The following RIMS2 variants were observed in gnomAD, a reference collection of about 807,000 sequenced individuals.
RIMS2 encodes the protein regulating synaptic membrane exocytosis 2.
RIMS2 carries 59 observed loss-of-function variants against 174.4 expected under a neutral mutation model. The ratio of observed to expected loss-of-function variants is 0.34; its 90% CI spans 0.27 to 0.42. The LOEUF (loss-of-function observed/expected upper bound fraction) is 0.42. Among genes scored for constraint, RIMS2 ranks in the 10% least tolerant of loss-of-function variants. RIMS2 has a pLI of 1.00. For missense variants in RIMS2, 1,620 were observed against 1,666.3 expected (o/e 0.97, Z 0.48); for synonymous variants, 606 against 572.5 (o/e 1.06, Z -0.84).
chr8:103,734,754 C>T (rs1167733134), intron 2 of RIMS2, among the ~76,000 whole-genome samples: 1 of 152,120 alleles, frequency 6.6e-6, no homozygotes, highest in Non-Finnish European at 1.5e-5. Context: ...CTAGCTACAT[C>T]TGCAAGCTTT....
intron 19 of RIMS2, among the ~76,000 whole-genome samples, chr8:104,167,722 T>C (rs1459292090): frequency 6.6e-6 from 1 of 152,208 alleles, no homozygotes; most frequent in Non-Finnish European, 1.5e-5. Context: ...CATTTGCTTT[T>C]GGAGTTTTAG....
chr8:104,140,096 A>G (rs1169479831), intron 19 of RIMS2, among the ~76,000 whole-genome samples: 1 of 152,188 alleles, frequency 6.6e-6, no homozygotes, highest in East Asian at 1.9e-4. Context: ...CCATCTTCGC[A>G]TCGCTAGGAT....
chr8:103,998,302 A>G (rs1156569559), intron 17 of RIMS2: 1 of 1,196,864 alleles, frequency 8.4e-7, no homozygotes, highest in South Asian at 1.3e-5. Context: ...GTGCCTGTGT[A>G]TTGATATGAT....
chr8:103,618,112 A>T (rs944847742), intron 1 of RIMS2, among the ~76,000 whole-genome samples: 1 of 152,182 alleles, frequency 6.6e-6, no homozygotes, highest in Non-Finnish European at 1.5e-5. Context: ...GACAGACTAG[A>T]TAAAGAAAAT....
chr8:103,927,817 T>A, intron 10 of RIMS2: 1 of 1,578,096 alleles, frequency 6.3e-7, no homozygotes, highest in Non-Finnish European at 8.7e-7. Flanking sequence ...GTTTTATTGC[T>A]TTTTTCTTTA....
chr8:103,923,682 T>C (rs2078164674), intron 10 of RIMS2, among the ~76,000 whole-genome samples: 1 of 151,788 alleles, frequency 6.6e-6, no homozygotes, highest in Non-Finnish European at 1.5e-5. Flanking sequence ...CACTATGATA[T>C]TAGTAGTAAA....
At chr8:103,696,590 G>A (rs2097103394) in intron 1 of RIMS2, among the ~76,000 whole-genome samples, 1 of 151,944 alleles carries the variant, frequency 6.6e-6, no homozygotes, top group African/African-American at 2.4e-5. Context: ...GTAGAGACTG[G>A]GTATGGTGGC....
At chr8:103,668,723 T>G in intron 1 of RIMS2, among the ~76,000 whole-genome samples, 1 of 151,732 alleles carries the variant, frequency 6.6e-6, no homozygotes, top group South Asian at 2.1e-4. Flanking sequence ...CTCTGTCACC[T>G]AGGCTGGAGT....
chr8:104,157,646 T>G (rs145285526), intron 19 of RIMS2, among the ~76,000 whole-genome samples: 47 of 152,354 alleles, frequency 3.1e-4, no homozygotes, highest in African/African-American at 1.1e-3. Flanking sequence ...AGAATTTGCT[T>G]CTTTTTTAAG....
intron 19 of RIMS2, among the ~76,000 whole-genome samples, chr8:104,213,877 G>GAAA (rs748783814): frequency 2.2e-5 from 3 of 134,240 alleles, no homozygotes; most frequent in South Asian, 2.5e-4. Context: ...CTCTGCCTCG[G>GAAA]AAAAAAAAAA....
At chr8:103,572,491 G>C (rs895121065) in intron 1 of RIMS2, among the ~76,000 whole-genome samples, 1 of 151,996 alleles carries the variant, frequency 6.6e-6, no homozygotes, top group African/African-American at 2.4e-5. Flanking sequence ...TTTCTACAGG[G>C]GCTGAACTAA....
intron 19 of RIMS2, among the ~76,000 whole-genome samples, chr8:104,109,526 G>A (rs765136978): frequency 2.7e-4 from 41 of 151,580 alleles, no homozygotes; most frequent in Non-Finnish European, 4.7e-4. Context: ...AGAACTCAAC[G>A]CAGTAATGCC....
chr8:103,909,637 A>G (rs757712479), intron 4 of RIMS2, among the ~76,000 whole-genome samples: 2 of 152,120 alleles, frequency 1.3e-5, no homozygotes, highest in East Asian at 3.8e-4. Context: ...GAAGAATATC[A>G]TACTGCATTT....
At chr8:103,507,344 TC>T (rs1824177878) in intron 1 of RIMS2, among the ~76,000 whole-genome samples, 1 of 152,132 alleles carries the variant, frequency 6.6e-6, no homozygotes, top group Non-Finnish European at 1.5e-5. Context: ...TTATGGTCTG[TC>T]CACTCTGCTA....
chr8:104,245,149 T>C, intron 20 of RIMS2, 92 bp downstream of exon 26: 1 of 1,265,024 alleles, frequency 7.9e-7, no homozygotes, highest in Non-Finnish European at 1.1e-6. Context: ...TCTCATGCTC[T>C]TCAGAACCAC....
intron 3 of RIMS2, among the ~76,000 whole-genome samples, chr8:103,814,438 TAAAA>T (rs1202156780): frequency 6.6e-6 from 1 of 151,756 alleles, no homozygotes; most frequent in Non-Finnish European, 1.5e-5. Context: ...AAAAAAAACT[TAAAA>T]AGAAAGAATT....
chr8:103,841,065 C>A (rs2098936918), intron 3 of RIMS2, among the ~76,000 whole-genome samples: 1 of 152,146 alleles, frequency 6.6e-6, no homozygotes, highest in Non-Finnish European at 1.5e-5. Flanking sequence ...TGGATAAAGT[C>A]TCCAGATTGC....
Position 104,151,960 on chromosome 8 carries a change from G to A in RIMS2, c.3335-92956G>A, listed in dbSNP as rs543676223. Among the ~76,000 whole-genome samples the A allele has an allele frequency of 6.6e-5, 10 of 151,992 alleles. No individual in the cohort carries two copies. In the East Asian group the frequency reaches 1.9e-3, roughly 29 times the overall value. On this transcript the variant is annotated intron_variant, in intron 19 of 23. Coordinates refer to ENST00000504942, the Ensembl canonical transcript of RIMS2. ...AGGATAGTATCACAGAAATTAAGAG[G>A]GTAGAATATTCAAAAACAGAAGGGT...
At chr8:104,138,396 G>T (rs1462720572) in intron 19 of RIMS2, among the ~76,000 whole-genome samples, 1 of 152,092 alleles carries the variant, frequency 6.6e-6, no homozygotes, top group East Asian at 1.9e-4. Context: ...CCCACCAACG[G>T]TGTAAGAGGG....
Sources: allele counts gnomAD v4.1 joint callset (sites outside exome capture counted in the v4.1 genomes callset), GRCh38; gene constraint gnomAD v4.1.1; transcripts MANE v1.5; gene names NCBI Gene and HGNC (gene_info 2026-07-23, HGNC 2026-07-21).